KCTD21: variants seen among roughly 807,000 people sequenced by gnomAD.
KCTD21 encodes the protein BTB/POZ domain-containing protein KCTD21.
A neutral mutation model predicts 13.2 loss-of-function variants in KCTD21; 9 were observed. The observed-to-expected ratio is 0.68, with a 90% CI of 0.41 to 1.19. The LOEUF is 1.19. Ranked by LOEUF, KCTD21 falls within the 50% of genes most tolerant of loss-of-function variation. The pLI is 0.01. For synonymous variants in KCTD21, 142 were observed against 137.4 expected (o/e 1.03, Z -0.23); for missense variants, 303 against 336.5 (o/e 0.90, Z 0.78).
intron 1 of KCTD21, among the ~76,000 whole-genome samples, chr11:78,177,238 G>A (rs930929703): frequency 1.3e-5 from 2 of 152,226 alleles, no homozygotes; most frequent in African/African-American, 4.8e-5. Context: ...CTGTGGCAGG[G>A]GCAGGGGTAT....
intron 1 of KCTD21, among the ~76,000 whole-genome samples, chr11:78,183,780 C>T (rs751477293): frequency 2.4e-4 from 37 of 151,554 alleles, no homozygotes; most frequent in African/African-American, 7.0e-4. Flanking sequence ...AGACTACAGG[C>T]GCCCGCCACC....
At chr11:78,182,620 C>T (rs117019000) in intron 1 of KCTD21, among the ~76,000 whole-genome samples, 4,858 of 152,150 alleles carry the variant, frequency 0.032, 105 homozygotes, top group Non-Finnish European at 0.052. Flanking sequence ...CAGGCAGGAC[C>T]GATTACATTG....
chr11:78,186,741 T>A, intron 1 of KCTD21: 1 of 985,522 alleles, frequency 1.0e-6, no homozygotes, highest in Non-Finnish European at 1.2e-6. Flanking sequence ...TGCCATCCCC[T>A]CTGCCTGGAC....
chr11:78,188,081 C>A (rs2137012723), intron 1 of KCTD21: 1 of 985,424 alleles, frequency 1.0e-6, no homozygotes, highest in Non-Finnish European at 1.2e-6. Context: ...TTGCCCACGC[C>A]GCCACAGCGC....
Position 78,174,397 on chromosome 11 carries a change from C to A in KCTD21, c.158G>T (p.Gly53Val). The change falls in exon 2 of 2, where the codon GGC (glycine) becomes GTC (valine). Residue 53 changes from glycine to valine, a missense_variant. By Grantham distance (109) the Gly-to-Val change is moderately radical (BLOSUM62 -3). Transcript: ENST00000340067. Reference sequence around the variant, plus strand: ...GTTGAGGATATAGCGGAACACTTTGCCGTCACGGTCAATGAAGCAGTTGCC... The same window carrying A: ...GTTGAGGATATAGCGGAACACTTTGACGTCACGGTCAATGAAGCAGTTGCC... ...SQGNCFIDRD[G>V]KVFRYILNFL... 1.2e-6 allele frequency: 2 copies of A among 1,614,040 alleles called. No individual in the cohort carries two copies. The highest frequency in any genetic ancestry group is 2.2e-5 in the South Asian group (2 of 91,062).
At position 78,181,922 on chromosome 11, in the gene KCTD21, C is replaced by T. The variant is rs145680041; in HGVS notation, c.-30+6651G>A. Among the ~76,000 whole-genome samples the T allele has an allele frequency of 4.4e-3, 666 of 152,226 alleles. 6 individuals carry two copies. Among genetic ancestry groups the T allele is most frequent in the Non-Finnish European group, 7.1e-3 (485 of 68,012 alleles). On this transcript the variant is annotated intron_variant, in intron 1 of 1. Coordinates refer to ENST00000340067, the MANE Select transcript of KCTD21 (RefSeq NM_001029859.3). ...TAACCAATTATATATTGTTGTGAAACTTTTGTTTCAGTTGTGTGTCTATGA... is the reference window on the plus strand; with the variant it reads ...TAACCAATTATATATTGTTGTGAAATTTTTGTTTCAGTTGTGTGTCTATGA...
At chr11:78,177,442 T>G (rs1252375126) in intron 1 of KCTD21, among the ~76,000 whole-genome samples, 1 of 152,174 alleles carries the variant, frequency 6.6e-6, no homozygotes, top group African/African-American at 2.4e-5. Context: ...GGGGCATGGC[T>G]GCTGGTGTGG....
chr11:78,186,624 T>A, intron 1 of KCTD21: 1 of 858,648 alleles, frequency 1.2e-6, no homozygotes, highest in Non-Finnish European at 1.4e-6. Flanking sequence ...CTAGGCACTC[T>A]ATACATGTTA....
rs1337828176 is a variant in KCTD21 at position 78,188,618 on chromosome 11, C to G, written c.-75G>C. 1 of 985,388 alleles carries G rather than the reference C, an allele frequency of 1.0e-6. No homozygotes were observed. Among genetic ancestry groups the G allele is most frequent in the African/African-American group, 1.7e-5 (1 of 57,246 alleles). 61.0% of individuals were successfully genotyped at this position (985,388 alleles called of 1,614,324 possible). A position where few individuals can be genotyped will look rare whatever the true frequency, so the allele number is the denominator to read the frequency against. On this transcript the variant is annotated 5_prime_UTR_variant, in exon 1 of 2. Transcript: ENST00000340067. The stretch of plus-strand genomic sequence containing the variant: ...CCTCTCCCTCCGCGAGCGGCCAGCG[C>G]AGCTTTGCGAGGGGGGCGGAGGGTA...
At chr11:78,175,731 A>AT (rs1389541059) in intron 1 of KCTD21, among the ~76,000 whole-genome samples, 3 of 151,976 alleles carry the variant, frequency 2.0e-5, no homozygotes, top group Non-Finnish European at 2.9e-5. Flanking sequence ...TTTTTTTTAA[A>AT]TTTTTTTAAA....
chr11:78,187,983 A>G (rs1862846031), intron 1 of KCTD21: 4 of 985,412 alleles, frequency 4.1e-6, no homozygotes, highest in Non-Finnish European at 4.8e-6. Context: ...TGGGAGGTCA[A>G]TGAGATCACT....
rs1862283897 is a variant in KCTD21, at chr11:78,171,654, T to C, written c.*2118A>G. 1 of 152,210 alleles carries C rather than the reference T, an allele frequency of 6.6e-6. No individual in the cohort carries two copies. The highest frequency in any genetic ancestry group is 6.5e-5 in the Admixed American group (1 of 15,268). 9.4% of individuals were successfully genotyped at this position (152,210 alleles called of 1,614,324 possible). A position where few individuals can be genotyped will look rare whatever the true frequency, so the allele number is the denominator to read the frequency against. On this transcript the variant is annotated 3_prime_UTR_variant, in exon 2 of 2. Transcript: ENST00000340067. ...AGCTGTCTTTTTTTGGGATGGAGTC[T>C]CTCTGCAATGGCACACTCTCAGCTC...
intron 1 of KCTD21, among the ~76,000 whole-genome samples, chr11:78,183,532 T>A (rs1369155491): frequency 6.7e-6 from 1 of 150,172 alleles, no homozygotes; most frequent in Non-Finnish European, 1.5e-5. Flanking sequence ...TGAGACTCCA[T>A]CTCAAAAACA....
rs776902053 is a variant in KCTD21, at chr11:78,174,221, G to C, written c.334C>G (p.Leu112Val). ...ACACGCTGGTTCAGTGTGATGTTGA[G>C]CATGGCATTCTTCTCGGCCTTGGAG... ...ELSKAEKNAM[L>V]NITLNQRVQT... The change falls in exon 2 of 2, where the codon CTC becomes GTC. Residue 112 changes from leucine to valine, a missense_variant. Coordinates refer to ENST00000340067, the MANE Select transcript of KCTD21 (RefSeq NM_001029859.3). The C allele has an allele frequency of 6.2e-7, 1 of 1,614,086 alleles. No homozygotes were observed. The highest frequency in any genetic ancestry group is 8.5e-7 in the Non-Finnish European group (1 of 1,180,028).
chr11:78,182,295 G>GCCC (rs1267833908), intron 1 of KCTD21, among the ~76,000 whole-genome samples: 2 of 97,852 alleles, frequency 2.0e-5, no homozygotes, highest in African/African-American at 9.4e-5. Context: ...TTATCCCAAA[G>GCCC]CACCCCCCCC....
At chr11:78,180,346 A>C (rs1862578408) in intron 1 of KCTD21, among the ~76,000 whole-genome samples, 1 of 152,256 alleles carries the variant, frequency 6.6e-6, no homozygotes, top group African/African-American at 2.4e-5. Context: ...CTCAAAACTC[A>C]GTAAGAAAAT....
intron 1 of KCTD21, chr11:78,186,864 A>G (rs1862792159): frequency 1.0e-6 from 1 of 985,450 alleles, no homozygotes; most frequent in East Asian, 1.1e-4. Context: ...ACTTTACTTA[A>G]GTAGATGGAT....
Position 78,173,134 on chromosome 11 carries a change from A to T in KCTD21, c.*638T>A, listed in dbSNP as rs1862329516. The T allele has an allele frequency of 6.6e-6, 1 of 152,316 alleles. No homozygotes were observed. Among genetic ancestry groups the T allele is most frequent in the Non-Finnish European group, 1.5e-5 (1 of 68,146 alleles). 9.4% of individuals were successfully genotyped at this position (152,316 alleles called of 1,614,324 possible). A position where few individuals can be genotyped will look rare whatever the true frequency, so the allele number is the denominator to read the frequency against. On this transcript the variant is annotated 3_prime_UTR_variant, in exon 2 of 2. Transcript: ENST00000340067. Reference sequence around the variant, plus strand: ...CCTTGATTCAGCCCTATCAAGAGGGACATTCCTACCTTCTGAACTCTGCCT... The same window carrying T: ...CCTTGATTCAGCCCTATCAAGAGGGTCATTCCTACCTTCTGAACTCTGCCT...
At chr11:78,183,070 T>A (rs1836009333) in intron 1 of KCTD21, among the ~76,000 whole-genome samples, 1 of 152,184 alleles carries the variant, frequency 6.6e-6, no homozygotes, top group African/African-American at 2.4e-5. Flanking sequence ...AGCCTAGAAA[T>A]GACACCCAGT....
Sources: gnomAD v4.1 joint callset for allele counts (sites outside exome capture counted in the v4.1 genomes callset) on GRCh38, gnomAD v4.1.1 for gene constraint, MANE v1.5 for transcripts, NCBI Gene and HGNC (gene_info 2026-07-23, HGNC 2026-07-21) for gene names.